The following IFRD2 variants were observed in gnomAD, a reference collection of about 807,000 sequenced individuals.
IFRD2 encodes interferon related developmental regulator 2.
A neutral mutation model predicts 49.2 loss-of-function variants in IFRD2; 35 were observed. That is an observed-to-expected ratio of 0.71 (90% CI 0.54 to 0.94). The LOEUF (loss-of-function observed/expected upper bound fraction) is 0.94. IFRD2 is among the 40% of genes least tolerant of loss of function. The pLI is 0.00. For missense variants in IFRD2, 561 were observed against 591.6 expected (o/e 0.95, Z 0.54); for synonymous variants, 275 against 239.7 (o/e 1.15, Z -1.36).
In IFRD2 at chr3:50,289,343, G is replaced by A. The variant is rs1553709228; in HGVS notation, c.797C>T (p.Pro266Leu). 6.3e-7 allele frequency: 1 copy of A among 1,598,246 alleles called. No individual in the cohort carries two copies. The highest frequency in any genetic ancestry group is 8.5e-7 in the Non-Finnish European group (1 of 1,172,570). The change falls in exon 8 of 12, where the codon CCC (proline) becomes CTC (leucine). Residue 266 changes from proline (P) to leucine (L), a missense_variant. Physicochemically the swap from Pro to Leu is moderately conservative, Grantham distance 98. Coordinates refer to ENST00000417626, the MANE Select transcript of IFRD2 (RefSeq NM_006764.5). ...HILDRQLPRL[P>L]QLLSSESVNL... Reference sequence around the variant, plus strand: ...CACACTTTCACTGGACAAGAGCTGGGGCAGCCGGGGCAGCTGCCTAGGGAA... The same window carrying A: ...CACACTTTCACTGGACAAGAGCTGGAGCAGCCGGGGCAGCTGCCTAGGGAA...
chr3:50,288,757 T>TG, intron 9 of IFRD2, 43 bp downstream of exon 9: 1 of 1,611,970 alleles, frequency 6.2e-7, no homozygotes, highest in Non-Finnish European at 8.5e-7. Context: ...CTGCTATGCC[T>TG]GGGGGTGCAC....
rs923142146 is a variant in IFRD2, at chr3:50,288,512, G to A, written c.1153-8C>T. The stretch of plus-strand genomic sequence containing the variant: ...ACGGAGTAGCTCATTGTTCTGGGGG[G>A]CAGAGGGCAGTGAGCTCAGGCCAGA... On this transcript the variant is annotated splice_polypyrimidine_tract_variant and splice_region_variant and intron_variant, in intron 10 of 11. Transcript: ENST00000417626. 3 of 1,613,986 alleles carry A rather than the reference G, an allele frequency of 1.9e-6. No homozygotes were observed. Among genetic ancestry groups the A allele is most frequent in the Admixed American group, 1.7e-5 (1 of 60,020 alleles).
At chr3:50,289,891 G>A (rs587706643) in intron 5 of IFRD2, 38 bp downstream of exon 5, 40 of 1,610,488 alleles carry the variant, frequency 2.5e-5, no homozygotes, top group Middle Eastern at 3.3e-4. Context: ...TGAGGGATAA[G>A]GTGCAGGAAG....
In IFRD2 at chr3:50,288,180, C is replaced by T; in HGVS notation, c.*11G>A. Reference sequence around the variant, plus strand: ...AGGGCATAGAAAGTCTCCTCTTCAGCAGGTCCTGCTTCACAGGATGTCTGC... The same window carrying T: ...AGGGCATAGAAAGTCTCCTCTTCAGTAGGTCCTGCTTCACAGGATGTCTGC... On this transcript the variant is annotated 3_prime_UTR_variant, in exon 12 of 12. Transcript: ENST00000417626. The T allele has an allele frequency of 6.2e-7, 1 of 1,610,074 alleles. No individual in the cohort carries two copies. Among genetic ancestry groups the T allele is most frequent in the Non-Finnish European group, 8.5e-7 (1 of 1,176,704 alleles).
At position 50,289,527 on chromosome 3, in the gene IFRD2, G is replaced by A. The variant is rs782668653; in HGVS notation, c.699C>T (p.Gly233=). 9.5e-6 allele frequency: 15 copies of A among 1,582,184 alleles called. No homozygotes were observed. Among genetic ancestry groups the A allele is most frequent in the Non-Finnish European group, 1.2e-5 (14 of 1,164,506 alleles). ...TSPVVPASLH[G]LLSAALQAWA... ...AGGCCTGCAGGGCAGCAGAGAGCAG[G>A]CCGTGCAGGCTGGCAGGAACCACAG... Residue 233 remains glycine, a synonymous_variant, in exon 7 of 12, where the codon GGC becomes GGT. Transcript: ENST00000417626.
intron 1 of IFRD2, among the ~76,000 whole-genome samples, 157 bp from the exon 2 acceptor site, chr3:50,290,836 C>G (rs1701659448): frequency 1.3e-5 from 2 of 152,050 alleles, no homozygotes; most frequent in South Asian, 4.2e-4. Flanking sequence ...TGGTGCACTC[C>G]TGTGTGTGGG....
At chr3:50,290,147 T>C in intron 4 of IFRD2, 23 bp downstream of exon 4, 1 of 1,612,862 alleles carries the variant, frequency 6.2e-7, no homozygotes, top group Non-Finnish European at 8.5e-7. Flanking sequence ...AGTTTAAGTC[T>C]CCCACACACC....
Position 50,292,395 on chromosome 3 carries a change from A to G in IFRD2, c.-121T>C, listed in dbSNP as rs1076872. ...GGCCAGACGACGGGAGCCACACGCC[A>G]CGCGCGCCACCATCTTCGCGAGGCG... On this transcript the variant is annotated 5_prime_UTR_variant, in exon 1 of 12. Coordinates refer to ENST00000417626, the MANE Select transcript of IFRD2 (RefSeq NM_006764.5). The G allele has an allele frequency of 0.7, 1,106,435 of 1,586,248 alleles. 391,136 individuals carry two copies. Among genetic ancestry groups the G allele is most frequent in the African/African-American group, 0.95 (70,714 of 74,504 alleles).
intron 8 of IFRD2, 59 bp downstream of exon 8, chr3:50,289,196 A>G: frequency 7.0e-7 from 1 of 1,432,110 alleles, no homozygotes; most frequent in Non-Finnish European, 9.6e-7. Flanking sequence ...CACCCCCTGC[A>G]TCCAGCCTGT....
At position 50,289,722 on chromosome 3, in the gene IFRD2, G is replaced by A; in HGVS notation, c.587C>T (p.Ala196Val). ...CCAAAGACCCCTCACCTGGATGTCA[G>A]CGGCAGCCACGTAGCAGCCCAGGCC... Reference protein sequence around the residue: ...ALGLGCYVAAADIQDLVSCLA... With the variant: ...ALGLGCYVAAVDIQDLVSCLA... The change falls in exon 6 of 12, where the codon GCT (alanine) becomes GTT (valine). Residue 196 changes from alanine (A) to valine (V), a missense_variant. Physicochemically the swap from Ala to Val is moderately conservative, Grantham distance 64 (BLOSUM62 0). Coordinates refer to ENST00000417626, the MANE Select transcript of IFRD2 (RefSeq NM_006764.5). 6.2e-7 allele frequency: 1 copy of A among 1,603,338 alleles called. No individual in the cohort carries two copies. The highest frequency in any genetic ancestry group is 8.5e-7 in the Non-Finnish European group (1 of 1,175,190).
Position 50,288,012 on chromosome 3 carries a change from G to C in IFRD2, c.*179C>G. The C allele has an allele frequency of 1.6e-6, 1 of 619,254 alleles. No individual in the cohort carries two copies. 38.4% of individuals were successfully genotyped at this position (619,254 alleles called of 1,614,324 possible). On this transcript the variant is annotated 3_prime_UTR_variant, in exon 12 of 12. Transcript: ENST00000417626. ...AAGGGGCCACAGGGCTGAGTGCAGG[G>C]ACAAAGGGGTCAGGGTCCCAAGTGT...
intron 1 of IFRD2, among the ~76,000 whole-genome samples, chr3:50,291,229 C>G (rs1019528384): frequency 5.3e-5 from 8 of 152,006 alleles, no homozygotes; most frequent in Admixed American, 5.2e-4. Flanking sequence ...AGGCTGGTCT[C>G]GAACTCCTGG....
chr3:50,290,824 G>A, intron 1 of IFRD2, 145 bp from the exon 2 acceptor site: 1 of 1,062,954 alleles, frequency 9.4e-7, no homozygotes, highest in South Asian at 1.5e-5. Flanking sequence ...GTTCAGTAGG[G>A]CTGGTGCACT....
chr3:50,289,024 T>C, intron 8 of IFRD2, 87 bp from the exon 9 acceptor site: 2 of 1,519,676 alleles, frequency 1.3e-6, no homozygotes, highest in Non-Finnish European at 1.8e-6. Context: ...CTCCTTTCAC[T>C]GAGAGACCCT....
chr3:50,292,325 G>A lies in IFRD2; in HGVS notation c.-51C>T. On this transcript the variant is annotated 5_prime_UTR_variant, in exon 1 of 12. Transcript: ENST00000417626. ...GGGGTCAGGGACCCGGTGGGTGTGG[G>A]CTCCAGGCCAACGAGACGCCGGCCG... The A allele has an allele frequency of 6.4e-7, 1 of 1,566,564 alleles. No individual in the cohort carries two copies. Among genetic ancestry groups the A allele is most frequent in the Non-Finnish European group, 8.6e-7 (1 of 1,158,604 alleles).
At chr3:50,289,807 CTGGGT>C (rs782631601) in intron 5 of IFRD2, 45 bp from the exon 6 acceptor site, 1 of 1,588,096 alleles carries the variant, frequency 6.3e-7, no homozygotes, top group Non-Finnish European at 8.6e-7. Context: ...GCGGGTGAAC[CTGGGT>C]TCCCAGCCCT....
Position 50,290,066 on chromosome 3 carries a change from G to T in IFRD2, c.409C>A (p.Leu137Met). 1 of 1,613,846 alleles carries T rather than the reference G, an allele frequency of 6.2e-7. No homozygotes were observed. The highest frequency in any genetic ancestry group is 8.5e-7 in the Non-Finnish European group (1 of 1,179,788). Residue 137 changes from leucine (L) to methionine (M), a missense_variant, in exon 5 of 12, where the codon CTG becomes ATG. Transcript: ENST00000417626. ...LKKGKGEEQA[L>M]AAAVLGLLCV... ...AGCAGGCCTAGCACAGCAGCAGCCAGGGCTTGTTCCTCGCCCTTCCCTGTG... is the reference window on the plus strand; with the variant it reads ...AGCAGGCCTAGCACAGCAGCAGCCATGGCTTGTTCCTCGCCCTTCCCTGTG...
At position 50,288,692 on chromosome 3, in the gene IFRD2, T is replaced by G; in HGVS notation, c.1043A>C (p.Glu348Ala). 1 of 1,613,584 alleles carries G rather than the reference T, an allele frequency of 6.2e-7. No homozygotes were observed. The highest frequency in any genetic ancestry group is 8.5e-7 in the Non-Finnish European group (1 of 1,179,772). The change falls in exon 10 of 12, where the codon GAG becomes GCG. Residue 348 changes from glutamate (E) to alanine (A), a missense_variant. Physicochemically the swap from Glu to Ala is moderately radical, Grantham distance 107. Coordinates refer to ENST00000417626, the MANE Select transcript of IFRD2 (RefSeq NM_006764.5). ...CACCTCAAAGCCGAAGCGCACTATC[T>G]CTTCTTCGCATTCACCGCCCTGCAG... ...HSVEGGECEEEIVRFGFEVLY... is the reference protein window; with the variant it reads ...HSVEGGECEEAIVRFGFEVLY...
rs1427479313 is a variant in IFRD2, at chr3:50,290,295, C to A, written c.264-1G>T. 12 of 1,610,332 alleles carry A rather than the reference C, an allele frequency of 7.5e-6. No individual in the cohort carries two copies. Among genetic ancestry groups the A allele is most frequent in the Non-Finnish European group, 1.0e-5 (12 of 1,178,144 alleles). On this transcript the variant is annotated splice_acceptor_variant, in intron 3 of 11. Coordinates refer to ENST00000417626, the MANE Select transcript of IFRD2 (RefSeq NM_006764.5). LOFTEE classifies it high-confidence loss of function. ...AAGAGCACCCTGCCGGGTCTTGGCA[C>A]TGGGGGAGGTCGAGAAGGGGGGTCA... is the stretch of plus-strand genomic sequence containing the variant.
Sources: gnomAD v4.1 joint callset for allele counts (sites outside exome capture counted in the v4.1 genomes callset) on GRCh38, gnomAD v4.1.1 for gene constraint, MANE v1.5 for transcripts, NCBI Gene and HGNC (gene_info 2026-07-23, HGNC 2026-07-21) for gene names.